Variants in RIC8B observed in about 807,000 individuals in gnomAD.
RIC8B encodes chaperone Ric-8B.
In RIC8B, 16 loss-of-function variants were observed where a neutral mutation model predicts 57.5. The ratio of observed to expected loss-of-function variants is 0.28; its 90% CI spans 0.19 to 0.42. The LOEUF (loss-of-function observed/expected upper bound fraction) is 0.42. Ranked by LOEUF, RIC8B falls within the 10% of genes least tolerant of loss-of-function variation. RIC8B has a pLI of 1.00. For missense variants in RIC8B, 481 were observed against 677.0 expected (o/e 0.71, Z 3.21); for synonymous variants, 216 against 250.8 (o/e 0.86, Z 1.31).
rs568757317 is a variant in RIC8B, at chr12:106,879,502, C to T, written c.1572-6402C>T. ...AGAGTATACCATACTTACAGGCAAA[C>T]GGTGGCTCAGGAAAATGTTAAAATA... On this transcript the variant is annotated intron_variant, in intron 9 of 9. Coordinates refer to ENST00000392837, the MANE Select transcript of RIC8B (RefSeq NM_001330145.2). The surrounding 1 kb of genome is among the most constrained non-coding windows in gnomAD (Gnocchi z 4.9). 1.8e-5 allele frequency: 18 copies of T among 984,844 alleles called. No individual in the cohort carries two copies. The highest frequency in any genetic ancestry group is 5.2e-4 in the Middle Eastern group (1 of 1,912). 61.0% of individuals were successfully genotyped at this position (984,844 alleles called of 1,614,324 possible).
At chr12:106,808,815 C>A (rs945307088) in intron 2 of RIC8B, among the ~76,000 whole-genome samples, 2 of 152,096 alleles carry the variant, frequency 1.3e-5, no homozygotes, top group African/African-American at 4.8e-5. Flanking sequence ...AAGACATTTT[C>A]TTTATGTATA....
rs1951192819 is a variant in RIC8B, at chr12:106,886,589, CTA to C, written c.*575_*576del. On this transcript the variant is annotated 3_prime_UTR_variant, in exon 10 of 10. Transcript: ENST00000392837. ...CTCAGACTTACAAACTGATTATACT[CTA>C]AAAGTTTGTATGTCAGTTAGCTAAA... is the stretch of plus-strand genomic sequence containing the variant. 1 of 152,626 alleles carries C rather than the reference CTA, an allele frequency of 6.6e-6. No homozygotes were observed. Among genetic ancestry groups the C allele is most frequent in the Admixed American group, 6.5e-5 (1 of 15,278 alleles). The allele number at this position is 152,626 out of a possible 1,614,324, so 9.5% of individuals were successfully genotyped here.
chr12:106,807,019 T>C (rs1024425529), intron 2 of RIC8B, among the ~76,000 whole-genome samples: 15 of 152,132 alleles, frequency 9.9e-5, no homozygotes, highest in African/African-American at 3.6e-4. Context: ...TCTCAATAAA[T>C]GGTACTATGT....
chr12:106,885,814 TA>T, intron 9 of RIC8B, 89 bp from the exon 10 acceptor site: 1 of 730,258 alleles, frequency 1.4e-6, no homozygotes, highest in South Asian at 1.8e-5. Flanking sequence ...CTTTTCTTTT[TA>T]AAAGGTTGTG....
intron 2 of RIC8B, among the ~76,000 whole-genome samples, chr12:106,792,387 G>A (rs2044296337): frequency 6.6e-6 from 1 of 152,106 alleles, no homozygotes; most frequent in Admixed American, 6.5e-5. Context: ...ATGATCGTTG[G>A]ATCACTTTTT....
chr12:106,791,999 T>C (rs958292719), intron 2 of RIC8B, among the ~76,000 whole-genome samples: 2 of 152,232 alleles, frequency 1.3e-5, no homozygotes, highest in African/African-American at 4.8e-5. Flanking sequence ...CTTTGCAAAT[T>C]TGACTCAAAA....
intron 8 of RIC8B, among the ~76,000 whole-genome samples, chr12:106,863,341 C>G (rs190807751): frequency 6.6e-6 from 1 of 152,024 alleles, no homozygotes. Flanking sequence ...ATAATCAGAT[C>G]GAAAAGCTTA....
At chr12:106,871,500 C>CAAAAAAAAAAAAAA (rs1566169701) in intron 9 of RIC8B, 3 of 66,574 alleles carry the variant, frequency 4.5e-5, no homozygotes, top group African/African-American at 1.8e-4. Context: ...AAAAAAAAAC[C>CAAAAAAAAAAAAAA]AAAAAACTCC....
intron 6 of RIC8B, among the ~76,000 whole-genome samples, chr12:106,850,100 G>A (rs903973853): frequency 2.0e-5 from 3 of 152,200 alleles, no homozygotes; most frequent in Non-Finnish European, 4.4e-5. Flanking sequence ...ACACTATTGC[G>A]AACTGCACAT....
chr12:106,829,107 A>G (rs1397380566), intron 4 of RIC8B, among the ~76,000 whole-genome samples: 1 of 152,208 alleles, frequency 6.6e-6, no homozygotes, highest in Non-Finnish European at 1.5e-5. Context: ...CATTTCCACT[A>G]ATCAACATTT....
At chr12:106,803,233 A>AAAAAAAAAAAAAC in intron 2 of RIC8B, among the ~76,000 whole-genome samples, 2 of 151,384 alleles carry the variant, frequency 1.3e-5, no homozygotes, top group African/African-American at 2.4e-5. Context: ...AAAAAAAAAA[A>AAAAAAAAAAAAAC]AAAAAGCAAG....
At position 106,867,637 on chromosome 12, in the gene RIC8B, T is replaced by C. The variant is rs1001319425; in HGVS notation, c.1452-3186T>C. ...AAATCTCACGTCTTTGTTGTCACAA[T>C]GGCTATTATTTGTTTTCTCTTCCTT... On this transcript the variant is annotated intron_variant, in intron 8 of 9. Coordinates refer to ENST00000392837, the MANE Select transcript of RIC8B (RefSeq NM_001330145.2). The surrounding 1 kb of genome is among the most constrained non-coding windows in gnomAD (Gnocchi z 4.3). Among the ~76,000 whole-genome samples, 16 of 152,276 alleles carry C rather than the reference T, an allele frequency of 1.1e-4. No individual in the cohort carries two copies. The highest frequency in any genetic ancestry group is 7.8e-4 in the Admixed American group (12 of 15,296).
chr12:106,874,403 G>A (rs1950579055), intron 9 of RIC8B: 2 of 1,075,508 alleles, frequency 1.9e-6, no homozygotes, highest in African/African-American at 1.6e-5. Flanking sequence ...GAATTGAAAG[G>A]CATGTGAGTA....
In RIC8B at chr12:106,887,216, A is replaced by G. The variant is rs1951218660; in HGVS notation, c.*1201A>G. On this transcript the variant is annotated 3_prime_UTR_variant, in exon 10 of 10. Transcript: ENST00000392837. ...CGTACATACATTCATATATATACATATATACATAATGTGCTTAACCACTGC... is the reference window on the plus strand; with the variant it reads ...CGTACATACATTCATATATATACATGTATACATAATGTGCTTAACCACTGC... 6.6e-6 allele frequency: 1 copy of G among 152,584 alleles called. No homozygotes were observed. The highest frequency in any genetic ancestry group is 6.5e-5 in the Admixed American group (1 of 15,282). 9.5% of individuals were successfully genotyped at this position (152,584 alleles called of 1,614,324 possible).
Position 106,815,001 on chromosome 12 carries a change from C to T in RIC8B, c.438C>T (p.Asn146=). 1 of 1,614,180 alleles carries T rather than the reference C, an allele frequency of 6.2e-7. No individual in the cohort carries two copies. Among genetic ancestry groups the T allele is most frequent in the Non-Finnish European group, 8.5e-7 (1 of 1,180,006 alleles). ...TTAATCTTGCTGCAAAGCTCTGTAA[C>T]CTCCTGAGAAAGTGCAAGGACCGGA... The part of the protein sequence containing the change: ...LELNLAAKLC[N]LLRKCKDRKF... Residue 146 remains asparagine, a synonymous_variant, in exon 3 of 10, where the codon AAC becomes AAT. Transcript: ENST00000392837.
chr12:106,801,719 T>A (rs2136230714), intron 2 of RIC8B, among the ~76,000 whole-genome samples: 1 of 152,266 alleles, frequency 6.6e-6, no homozygotes, highest in Middle Eastern at 3.4e-3. Flanking sequence ...ACCTCTAGAA[T>A]CCTCCCAGAA....
chr12:106,885,477 G>A (rs1437807563), intron 9 of RIC8B, among the ~76,000 whole-genome samples: 1 of 151,758 alleles, frequency 6.6e-6, no homozygotes, highest in Non-Finnish European at 1.5e-5. Flanking sequence ...ATTGAATGAA[G>A]TGTATGCATA....
rs748288226 is a variant in RIC8B, at chr12:106,885,961, G to A, written c.1629G>A (p.Glu543=). 6.2e-7 allele frequency: 1 copy of A among 1,613,796 alleles called. No homozygotes were observed. The highest frequency in any genetic ancestry group is 1.1e-5 in the South Asian group (1 of 91,076). The change falls in exon 10 of 10, where the codon GAG becomes GAA. Residue 543 remains glutamate (E), a synonymous_variant. Coordinates refer to ENST00000392837, the MANE Select transcript of RIC8B (RefSeq NM_001330145.2). ...CTGATGGGACAATAACGCCTTTGGA[G>A]GAAGCACTCAACCAGTACTCTGTCA... ...LKPDGTITPL[E]EALNQYSVIE...
chr12:106,797,163 A>C (rs889667187), intron 2 of RIC8B, among the ~76,000 whole-genome samples: 2 of 152,204 alleles, frequency 1.3e-5, no homozygotes, highest in African/African-American at 4.8e-5. Context: ...CTGGGTGTCT[A>C]CCCAAGAGAA....
Sources: gnomAD v4.1 joint callset for allele counts (sites outside exome capture counted in the v4.1 genomes callset) on GRCh38, gnomAD v4.1.1 for gene constraint, Gnocchi (gnomAD v3.1) non-coding constraint, MANE v1.5 for transcripts, NCBI Gene and HGNC (gene_info 2026-07-23, HGNC 2026-07-21) for gene names.